NEDD4L: variants seen among roughly 807,000 people sequenced by gnomAD.
NEDD4L encodes the protein NEDD4 like E3 ubiquitin protein ligase, also known as E3 ubiquitin-protein ligase NEDD4-like.
A neutral mutation model predicts 148.9 loss-of-function variants in NEDD4L; 54 were observed. That is an observed-to-expected ratio of 0.36 (90% CI 0.29 to 0.45). The LOEUF (loss-of-function observed/expected upper bound fraction) is 0.45. Among genes scored for constraint, NEDD4L ranks in the 20% least tolerant of loss-of-function variants. The pLI is 1.00. For synonymous variants in NEDD4L, 433 were observed against 440.7 expected, an observed-to-expected ratio of 0.98 and a Z score of 0.22; for missense variants, 856 against 1,233.8, an observed-to-expected ratio of 0.69 and a Z score of 4.59.
intron 5 of NEDD4L, among the ~76,000 whole-genome samples, chr18:58,287,252 C>T (rs1568582752): frequency 6.6e-6 from 1 of 152,184 alleles, no homozygotes; most frequent in East Asian, 1.9e-4. Flanking sequence ...TCATTCATTT[C>T]TGTTTACCTA....
At chr18:58,092,575 A>G (rs1042699797) in intron 1 of NEDD4L, among the ~76,000 whole-genome samples, 24 of 152,194 alleles carry the variant, frequency 1.6e-4, no homozygotes, top group African/African-American at 5.3e-4. Context: ...TAAACTGCTT[A>G]GAGTGAATGG....
chr18:58,239,791 G>A (rs1176687586), intron 2 of NEDD4L, among the ~76,000 whole-genome samples: 2 of 152,212 alleles, frequency 1.3e-5, no homozygotes, highest in Non-Finnish European at 2.9e-5. Flanking sequence ...GGTGGAACAA[G>A]ACCCTTGAAT....
intron 1 of NEDD4L, among the ~76,000 whole-genome samples, chr18:58,143,481 C>T (rs774715811): frequency 2.6e-5 from 4 of 152,158 alleles, no homozygotes; most frequent in South Asian, 2.1e-4. Context: ...CCGAAATGCC[C>T]GCAGGCTCTG....
At chr18:58,135,557 A>AAG (rs2032746204) in intron 1 of NEDD4L, among the ~76,000 whole-genome samples, 1 of 152,262 alleles carries the variant, frequency 6.6e-6, no homozygotes, top group African/African-American at 2.4e-5. Flanking sequence ...TCTACAAGCT[A>AAG]TGTGAGTGCA....
intron 1 of NEDD4L, among the ~76,000 whole-genome samples, chr18:58,102,916 G>T (rs1297508252): frequency 6.6e-6 from 1 of 152,110 alleles, no homozygotes; most frequent in African/African-American, 2.4e-5. Flanking sequence ...AATCTTGAAA[G>T]TTTGATCCTG....
intron 1 of NEDD4L, among the ~76,000 whole-genome samples, chr18:58,160,982 A>G (rs1245840772): frequency 2.6e-5 from 4 of 151,866 alleles, no homozygotes; most frequent in Admixed American, 2.6e-4. Flanking sequence ...TTTGTGAGTC[A>G]CCTAAAAAAT....
At chr18:58,191,235 G>A (rs1280891782) in intron 2 of NEDD4L, among the ~76,000 whole-genome samples, 1 of 152,192 alleles carries the variant, frequency 6.6e-6, no homozygotes, top group East Asian at 1.9e-4. Context: ...ATTGCCATTT[G>A]TATCAATGAA....
intron 1 of NEDD4L, among the ~76,000 whole-genome samples, chr18:58,163,489 T>G (rs1429370038): frequency 6.6e-6 from 1 of 152,226 alleles, no homozygotes; most frequent in African/African-American, 2.4e-5. Flanking sequence ...CTGTAAGCAC[T>G]TTGGGACGCC....
chr18:58,360,776 A>G (rs558759691), intron 19 of NEDD4L, among the ~76,000 whole-genome samples: 2 of 143,752 alleles, frequency 1.4e-5, no homozygotes, highest in Non-Finnish European at 3.0e-5. Context: ...GTGTGTGTAC[A>G]TGCATGCAAG....
chr18:58,308,755 C>T (rs1241814194), intron 5 of NEDD4L, among the ~76,000 whole-genome samples: 2 of 152,208 alleles, frequency 1.3e-5, no homozygotes, highest in African/African-American at 4.8e-5. Flanking sequence ...TCTTCCTCCA[C>T]CGTCCTCCAC....
intron 1 of NEDD4L, chr18:58,091,447 C>G (rs2084064619): frequency 6.6e-6 from 1 of 152,240 alleles, no homozygotes. Flanking sequence ...ATGAGATGGA[C>G]TGTGCACATT....
intron 1 of NEDD4L, among the ~76,000 whole-genome samples, chr18:58,161,377 C>T (rs1333904599): frequency 2.0e-5 from 3 of 151,590 alleles, no homozygotes; most frequent in Admixed American, 6.6e-5. Context: ...GTGTCGTTAA[C>T]GGTGAAGTTA....
intron 1 of NEDD4L, among the ~76,000 whole-genome samples, chr18:58,063,949 C>CTTTTT (rs58608106): frequency 2.3e-4 from 30 of 129,864 alleles, no homozygotes; most frequent in Non-Finnish European, 3.6e-4. Flanking sequence ...TATAATGTTT[C>CTTTTT]TTTTTTTTTT....
intron 1 of NEDD4L, among the ~76,000 whole-genome samples, chr18:58,099,382 A>G (rs148606946): frequency 2.0e-5 from 3 of 152,298 alleles, no homozygotes; most frequent in Admixed American, 6.5e-5. Flanking sequence ...TATAATGGGC[A>G]TTTGGCAAAT....
chr18:58,116,995 T>G (rs890221818), intron 1 of NEDD4L, among the ~76,000 whole-genome samples: 13 of 152,222 alleles, frequency 8.5e-5, no homozygotes, highest in Admixed American at 3.3e-4. Context: ...GGACAGAGCT[T>G]CTTCCATCTA....
chr18:58,190,480 T>C (rs1370083443), intron 2 of NEDD4L, among the ~76,000 whole-genome samples: 1 of 152,242 alleles, frequency 6.6e-6, no homozygotes, highest in Admixed American at 6.5e-5. Flanking sequence ...TTGGTTTGTA[T>C]AATTTGATCT....
chr18:58,060,883 C>G (rs191814056), intron 1 of NEDD4L, among the ~76,000 whole-genome samples: 1 of 152,082 alleles, frequency 6.6e-6, no homozygotes, highest in Non-Finnish European at 1.5e-5. Context: ...CTCAGCCTCA[C>G]GAGTAGCTGG....
At chr18:58,279,325 G>A (rs1008001269) in intron 5 of NEDD4L, among the ~76,000 whole-genome samples, 3 of 152,192 alleles carry the variant, frequency 2.0e-5, no homozygotes, top group East Asian at 1.9e-4. Flanking sequence ...AGTAGTAGAA[G>A]TTCAAACGAA....
chr18:58,091,533 C>T (rs1377599494), intron 1 of NEDD4L: 1 of 152,294 alleles, frequency 6.6e-6, no homozygotes, highest in African/African-American at 2.4e-5. Context: ...CCAGTACCTG[C>T]TCCCTTCACT....
Sources: gnomAD v4.1 joint callset for allele counts (sites outside exome capture counted in the v4.1 genomes callset) on GRCh38, gnomAD v4.1.1 for gene constraint, MANE v1.5 for transcripts, NCBI Gene and HGNC (gene_info 2026-07-23, HGNC 2026-07-21) for gene names.